The following RSPO3 variants were observed in gnomAD, a reference collection of about 807,000 sequenced individuals.
RSPO3 encodes the protein R-spondin 3, also known as R-spondin-3.
A neutral mutation model predicts 36.5 loss-of-function variants in RSPO3; 17 were observed. That is an observed-to-expected ratio of 0.47 (90% CI 0.32 to 0.70). The LOEUF (loss-of-function observed/expected upper bound fraction) is 0.70, where lower values mean the gene tolerates loss of function less well. RSPO3 is among the 30% of genes least tolerant of loss of function. The pLI is 0.04. For synonymous variants in RSPO3, 108 were observed against 107.0 expected (o/e 1.01, Z -0.06); for missense variants, 294 against 322.5 (o/e 0.91, Z 0.68).
intron 1 of RSPO3, among the ~76,000 whole-genome samples, chr6:127,139,891 C>T (rs889178741): frequency 2.0e-5 from 3 of 151,988 alleles, no homozygotes; most frequent in African/African-American, 4.8e-5. Flanking sequence ...ATTTTACACT[C>T]GTAGCAGAGT....
rs768946832 is a variant in RSPO3, at chr6:127,155,299, A to G, written c.495A>G (p.Thr165=). The change falls in exon 4 of 5, where the codon ACA becomes ACG. Residue 165 remains threonine, a synonymous_variant. Coordinates refer to ENST00000356698, the MANE Select transcript of RSPO3 (RefSeq NM_032784.5). The part of the protein sequence containing the change: ...PWSPCTKKGK[T]CGFKRGTETR... ...GTCCATGCACGAAGAAGGGAAAAAC[A>G]TGTGGCTTCAAAAGAGGGACTGAAA... is the stretch of plus-strand genomic sequence containing the variant. 1 of 1,614,002 alleles carries G rather than the reference A, an allele frequency of 6.2e-7. No homozygotes were observed. Among genetic ancestry groups the G allele is most frequent in the Non-Finnish European group, 8.5e-7 (1 of 1,179,914 alleles).
intron 4 of RSPO3, among the ~76,000 whole-genome samples, chr6:127,195,376 C>T (rs537715381): frequency 6.6e-6 from 1 of 152,208 alleles, no homozygotes; most frequent in East Asian, 1.9e-4. Context: ...ACTATGTTGC[C>T]CAAGCTGATC....
Position 127,162,491 on chromosome 6 carries a change from G to A in RSPO3, c.634+7053G>A, listed in dbSNP as rs118159054. Among the ~76,000 whole-genome samples, 323 of 152,216 alleles carry A rather than the reference G, an allele frequency of 2.1e-3. 7 individuals carry two copies. The East Asian group carries it at 0.059, about 28-fold the overall frequency. ...CAACTATTGATACAGGAGATGTTGT[G>A]TTGGATATTATTTCTATTGTACTTT... On this transcript the variant is annotated intron_variant, in intron 4 of 4. Coordinates refer to ENST00000356698, the MANE Select transcript of RSPO3 (RefSeq NM_032784.5).
intron 4 of RSPO3, among the ~76,000 whole-genome samples, chr6:127,159,411 A>C (rs774799527): frequency 1.3e-5 from 2 of 152,174 alleles, no homozygotes; most frequent in Non-Finnish European, 2.9e-5. Context: ...GTGGAGGTCT[A>C]TCTTCCTGGT....
chr6:127,145,436 T>C (rs931334291), intron 1 of RSPO3, among the ~76,000 whole-genome samples: 1 of 152,202 alleles, frequency 6.6e-6, no homozygotes, highest in African/African-American at 2.4e-5. Context: ...ACTGGTGTGA[T>C]TGAAACACCC....
chr6:127,125,516 C>T (rs894770856), intron 1 of RSPO3, among the ~76,000 whole-genome samples: 1 of 152,102 alleles, frequency 6.6e-6, no homozygotes, highest in Non-Finnish European at 1.5e-5. Flanking sequence ...ATCTAGTGAT[C>T]CCTACGGTTT....
chr6:127,126,126 C>T (rs1317930357), intron 1 of RSPO3, among the ~76,000 whole-genome samples: 2 of 151,898 alleles, frequency 1.3e-5, no homozygotes, highest in East Asian at 1.9e-4. Context: ...AAAATGATGA[C>T]GATCAACAAA....
intron 4 of RSPO3, among the ~76,000 whole-genome samples, chr6:127,157,931 T>C (rs1475370855): frequency 6.6e-6 from 1 of 151,726 alleles, no homozygotes; most frequent in Non-Finnish European, 1.5e-5. Context: ...TAGTGACCTC[T>C]GGACATCCCA....
intron 4 of RSPO3, among the ~76,000 whole-genome samples, chr6:127,166,588 A>C (rs1193940071): frequency 6.6e-6 from 1 of 152,048 alleles, no homozygotes; most frequent in East Asian, 1.9e-4. Context: ...ATGAGTATGT[A>C]TAAAACTTTC....
In RSPO3 at chr6:127,197,591, T is replaced by C; in HGVS notation, c.*1584T>C. On this transcript the variant is annotated 3_prime_UTR_variant, in exon 5 of 5. Transcript: ENST00000356698. Reference sequence around the variant, plus strand: ...GCACGGCTGCTCTGTCCACTGTGATTCCTAGCCCTCTCAAGATCACTGCTT... The same window carrying C: ...GCACGGCTGCTCTGTCCACTGTGATCCCTAGCCCTCTCAAGATCACTGCTT... 6.6e-7 allele frequency: 1 copy of C among 1,512,626 alleles called. No individual in the cohort carries two copies. Among genetic ancestry groups the C allele is most frequent in the African/African-American group, 1.4e-5 (1 of 72,274 alleles). 93.7% of individuals were successfully genotyped at this position (1,512,626 alleles called of 1,614,324 possible). A position where few individuals can be genotyped will look rare whatever the true frequency, so the allele number is the denominator to read the frequency against.
At position 127,142,650 on chromosome 6, in the gene RSPO3, T is replaced by C. The variant is rs1176798015; in HGVS notation, c.98-5998T>C. On this transcript the variant is annotated intron_variant, in intron 1 of 4. Transcript: ENST00000356698. ...TCACTTTGAATGATTGATTTCATAA[T>C]TAAGCATTCAAAGTTTATGTAATTT... 3.9e-5 allele frequency among the ~76,000 whole-genome samples: 6 copies of C among 152,324 alleles called. No individual in the cohort carries two copies. In the East Asian group the frequency reaches 5.8e-4, roughly 15 times the overall value.
chr6:127,124,170 A>C (rs1773896780), intron 1 of RSPO3, among the ~76,000 whole-genome samples: 2 of 152,004 alleles, frequency 1.3e-5, no homozygotes, highest in Admixed American at 1.3e-4. Context: ...AAAAAATAAA[A>C]CTATTCTAGA....
At chr6:127,183,804 T>A (rs1289741197) in intron 4 of RSPO3, among the ~76,000 whole-genome samples, 1 of 151,878 alleles carries the variant, frequency 6.6e-6, no homozygotes, top group African/African-American at 2.4e-5. Flanking sequence ...AATCTCCCAA[T>A]ACTATCCACC....
At position 127,172,611 on chromosome 6, in the gene RSPO3, A is replaced by G. The variant is rs74957992; in HGVS notation, c.634+17173A>G. Among the ~76,000 whole-genome samples, 18 of 151,962 alleles carry G rather than the reference A, an allele frequency of 1.2e-4. No homozygotes were observed. The East Asian group carries it at 3.5e-3, about 30-fold the overall frequency. ...ACAGAAACATGTATTCGCTTGGGCT[A>G]TATGTCCTTATTCAACCATATCCAT... On this transcript the variant is annotated intron_variant, in intron 4 of 4. Transcript: ENST00000356698.
At chr6:127,150,813 G>A (rs756929544) in intron 3 of RSPO3, among the ~76,000 whole-genome samples, 2 of 150,046 alleles carry the variant, frequency 1.3e-5, no homozygotes, top group Admixed American at 6.7e-5. Context: ...ATTGATAATC[G>A]TTTCAACCAT....
chr6:127,178,327 AT>A (rs1775097163), intron 4 of RSPO3, among the ~76,000 whole-genome samples: 2 of 151,722 alleles, frequency 1.3e-5, no homozygotes, highest in African/African-American at 4.8e-5. Context: ...TTTGAGTCCT[AT>A]TTTTTATATA....
chr6:127,148,130 C>T (rs1774423679), intron 1 of RSPO3, among the ~76,000 whole-genome samples: 1 of 151,938 alleles, frequency 6.6e-6, no homozygotes, highest in African/African-American at 2.4e-5. Flanking sequence ...ACTTAGTGTC[C>T]TTACTCAAGT....
intron 4 of RSPO3, among the ~76,000 whole-genome samples, chr6:127,192,160 C>A (rs1278344099): frequency 6.6e-6 from 1 of 152,166 alleles, no homozygotes; most frequent in Non-Finnish European, 1.5e-5. Flanking sequence ...ACTGTACCCC[C>A]AACAGGACCT....
chr6:127,130,657 A>G (rs1051075178), intron 1 of RSPO3, among the ~76,000 whole-genome samples: 5 of 152,090 alleles, frequency 3.3e-5, no homozygotes, highest in Non-Finnish European at 7.4e-5. Context: ...AAGAATCCTA[A>G]TTTTGGAAAA....
Sources: allele counts gnomAD v4.1 joint callset (sites outside exome capture counted in the v4.1 genomes callset), GRCh38; gene constraint gnomAD v4.1.1; transcripts MANE v1.5; gene names NCBI Gene and HGNC (gene_info 2026-07-23, HGNC 2026-07-21).